TMEM132D: variants seen among roughly 807,000 people sequenced by gnomAD.
TMEM132D encodes mature OL transmembrane protein.
In TMEM132D, 21 loss-of-function variants were observed where a neutral mutation model predicts 62.3. The observed-to-expected ratio is 0.34, with a 90% CI of 0.24 to 0.49. The LOEUF (loss-of-function observed/expected upper bound fraction) is 0.49, where lower values mean the gene tolerates loss of function less well. Ranked by LOEUF, TMEM132D falls within the 20% of genes least tolerant of loss-of-function variation. The pLI, the probability that TMEM132D is intolerant of heterozygous loss-of-function variation, is 0.99. For synonymous variants in TMEM132D, 621 were observed against 575.6 expected (o/e 1.08, Z -1.13); for missense variants, 1,346 against 1,402.8 (o/e 0.96, Z 0.65).
chr12:129,715,282 C>G (rs371652866), intron 1 of TMEM132D, among the ~76,000 whole-genome samples: 2 of 152,044 alleles, frequency 1.3e-5, no homozygotes, highest in Non-Finnish European at 2.9e-5. Flanking sequence ...AATCACACAA[C>G]GGAAATGATA....
At chr12:129,265,131 G>C (rs1880651707) in intron 4 of TMEM132D, among the ~76,000 whole-genome samples, 1 of 152,256 alleles carries the variant, frequency 6.6e-6, no homozygotes, top group Non-Finnish European at 1.5e-5. Context: ...AAGGACCTCT[G>C]AGCTGCCAGG....
At chr12:129,127,616 AC>A (rs1297523307) in intron 5 of TMEM132D, among the ~76,000 whole-genome samples, 2 of 152,114 alleles carry the variant, frequency 1.3e-5, no homozygotes, top group Non-Finnish European at 2.9e-5. Flanking sequence ...TCCATTTGTC[AC>A]CCAGGTTTTT....
intron 1 of TMEM132D, among the ~76,000 whole-genome samples, chr12:129,707,639 T>C (rs901392806): frequency 6.6e-6 from 1 of 152,258 alleles, no homozygotes; most frequent in Admixed American, 6.5e-5. Flanking sequence ...TTGACTCATA[T>C]GTGCCATCAA....
intron 3 of TMEM132D, among the ~76,000 whole-genome samples, chr12:129,530,554 T>A (rs1876186611): frequency 6.6e-6 from 1 of 152,226 alleles, no homozygotes; most frequent in African/African-American, 2.4e-5. Flanking sequence ...TGATCCACAA[T>A]TCCCTGCAAT....
chr12:129,313,171 A>G (rs1882023021), intron 4 of TMEM132D, among the ~76,000 whole-genome samples: 1 of 150,766 alleles, frequency 6.6e-6, no homozygotes, highest in African/African-American at 2.5e-5. Flanking sequence ...ATTTTATTTT[A>G]TATTTTATTT....
chr12:129,112,831 T>C (rs1875764239), intron 5 of TMEM132D, among the ~76,000 whole-genome samples: 1 of 152,120 alleles, frequency 6.6e-6, no homozygotes, highest in African/African-American at 2.4e-5. Context: ...AGTGCTAGCT[T>C]AGAGAATAAA....
intron 1 of TMEM132D, among the ~76,000 whole-genome samples, chr12:129,739,269 A>G (rs1869524269): frequency 6.6e-6 from 1 of 152,052 alleles, no homozygotes; most frequent in Non-Finnish European, 1.5e-5. Context: ...CACACATCCA[A>G]CTTCACGCTC....
chr12:129,583,539 C>T lies in TMEM132D; in HGVS notation c.969-52334G>A, dbSNP rs143313766. Reference sequence around the variant, plus strand: ...TGGTAGTTTGCTTTTGTAGCTGAAACAAGCAGTCATCATTCTAGGCACTGC... The same window carrying T: ...TGGTAGTTTGCTTTTGTAGCTGAAATAAGCAGTCATCATTCTAGGCACTGC... On this transcript the variant is annotated intron_variant, in intron 2 of 8. Coordinates refer to ENST00000422113, the MANE Select transcript of TMEM132D (RefSeq NM_133448.3). 2.3e-4 allele frequency among the ~76,000 whole-genome samples: 35 copies of T among 152,338 alleles called. 1 individual carries two copies. The East Asian group carries it at 3.5e-3, about 15-fold the overall frequency.
intron 2 of TMEM132D, among the ~76,000 whole-genome samples, chr12:129,593,975 A>G (rs181551608): frequency 1.3e-5 from 2 of 152,130 alleles, no homozygotes; most frequent in East Asian, 3.9e-4. Flanking sequence ...CCTGTTATGT[A>G]TCATTTAGTG....
At chr12:129,196,861 G>A (rs747385597) in intron 5 of TMEM132D, among the ~76,000 whole-genome samples, 2 of 152,154 alleles carry the variant, frequency 1.3e-5, no homozygotes, top group Non-Finnish European at 2.9e-5. Context: ...GGATTGTAGG[G>A]AGAGATTAAT....
chr12:129,188,761 G>GACA (rs1878293591), intron 5 of TMEM132D, among the ~76,000 whole-genome samples: 10 of 63,950 alleles, frequency 1.6e-4, no homozygotes, highest in African/African-American at 4.3e-4. Context: ...GAGGGAGAGA[G>GACA]GGAGAGAGAG....
chr12:129,298,528 C>A (rs779505537), intron 4 of TMEM132D, among the ~76,000 whole-genome samples: 8 of 152,138 alleles, frequency 5.3e-5, no homozygotes, highest in Non-Finnish European at 1.0e-4. Context: ...ACCGTCATCA[C>A]CCCACCATGC....
chr12:129,497,126 A>G (rs1874983142), intron 3 of TMEM132D, among the ~76,000 whole-genome samples: 1 of 152,050 alleles, frequency 6.6e-6, no homozygotes, highest in Non-Finnish European at 1.5e-5. Flanking sequence ...TGGCCAACAT[A>G]GTGAAACCCC....
intron 1 of TMEM132D, among the ~76,000 whole-genome samples, chr12:129,818,340 C>G (rs62646978): frequency 1 from 147,489 of 147,982 alleles, 73,498 homozygotes; most frequent in Middle Eastern, 1. Context: ...TGTGTATCTG[C>G]TTTGGGGTGT....
intron 5 of TMEM132D, among the ~76,000 whole-genome samples, chr12:129,201,064 TA>T (rs1400946316): frequency 4.6e-5 from 7 of 152,228 alleles, no homozygotes; most frequent in African/African-American, 1.4e-4. Flanking sequence ...TGAAATGCTG[TA>T]TAATAAAGCA....
In TMEM132D at chr12:129,489,380, T is replaced by C. The variant is rs116128282; in HGVS notation, c.1115+41679A>G. Among the ~76,000 whole-genome samples, 925 of 152,348 alleles carry C rather than the reference T, an allele frequency of 6.1e-3. 11 individuals carry two copies. The highest frequency in any genetic ancestry group is 0.022 in the African/African-American group (894 of 41,576). On this transcript the variant is annotated intron_variant, in intron 3 of 8. Transcript: ENST00000422113. ...ACATATCATCCTTGATCAATGTTTA[T>C]TGAGTGTGAGGCAGTGTTTGGGCCT...
intron 4 of TMEM132D, among the ~76,000 whole-genome samples, chr12:129,336,618 C>G (rs912487585): frequency 5.9e-5 from 9 of 151,922 alleles, no homozygotes; most frequent in Non-Finnish European, 1.2e-4. Flanking sequence ...AGAACAGGTG[C>G]TGTAGGATGG....
Position 129,073,792 on chromosome 12 carries a change from T to A in TMEM132D, c.*83A>T. ...CCTTATTTTGTCCTGCTGCTTTGTT[T>A]CTCTTCCGGGGGCACCGTTGCTACA... is the stretch of plus-strand genomic sequence containing the variant. On this transcript the variant is annotated 3_prime_UTR_variant, in exon 9 of 9. Coordinates refer to ENST00000422113, the MANE Select transcript of TMEM132D (RefSeq NM_133448.3). 3 of 1,265,828 alleles carry A rather than the reference T, an allele frequency of 2.4e-6. No homozygotes were observed. The highest frequency in any genetic ancestry group is 3.3e-6 in the Non-Finnish European group (3 of 909,782). The allele number at this position is 1,265,828 out of a possible 1,614,324, so 78.4% of individuals were successfully genotyped here. A position where few individuals can be genotyped will look rare whatever the true frequency, so the allele number is the denominator to read the frequency against.
intron 1 of TMEM132D, among the ~76,000 whole-genome samples, chr12:129,832,677 G>C (rs1419853482): frequency 6.6e-6 from 1 of 152,140 alleles, no homozygotes. Flanking sequence ...GGGCTGAGGT[G>C]CGCAGGCTCA....
Sources: gnomAD v4.1 joint callset for allele counts (sites outside exome capture counted in the v4.1 genomes callset) on GRCh38, gnomAD v4.1.1 for gene constraint, MANE v1.5 for transcripts, NCBI Gene and HGNC (gene_info 2026-07-23, HGNC 2026-07-21) for gene names.